Variants in MTHFD1L observed in about 807,000 individuals in gnomAD.
The protein encoded by MTHFD1L is methylenetetrahydrofolate dehydrogenase (NADP+ dependent) 1 like.
A neutral mutation model predicts 119.5 loss-of-function variants in MTHFD1L; 81 were observed. That is an observed-to-expected ratio of 0.68 (90% CI 0.57 to 0.82). MTHFD1L has a LOEUF of 0.82. Ranked by LOEUF, MTHFD1L falls within the 40% of genes least tolerant of loss-of-function variation. The pLI, the probability that MTHFD1L is intolerant of heterozygous loss-of-function variation, is 0.00. For missense variants in MTHFD1L, 1,125 were observed against 1,253.4 expected, an observed-to-expected ratio of 0.90 and a Z score of 1.55; for synonymous variants, 430 against 475.2, an observed-to-expected ratio of 0.90 and a Z score of 1.24.
At chr6:150,891,238 G>A (rs557666851) in intron 7 of MTHFD1L, among the ~76,000 whole-genome samples, 13 of 152,072 alleles carry the variant, frequency 8.5e-5, no homozygotes, top group Non-Finnish European at 1.6e-4. Flanking sequence ...CGCCCACCTC[G>A]ACCTCCCAAA....
chr6:150,955,976 C>T lies in MTHFD1L; in HGVS notation c.1727-19C>T, dbSNP rs1304659780. 1.2e-6 allele frequency: 2 copies of T among 1,602,868 alleles called. No individual in the cohort carries two copies. Among genetic ancestry groups the T allele is most frequent in the Admixed American group, 1.7e-5 (1 of 59,990 alleles). On this transcript the variant is annotated intron_variant, in intron 16 of 27. Transcript: ENST00000367321. ...TGGTCCATATTTGTCGACTGAATGACTAATCTGTTCTCTTTCAGTATTGGA... is the reference window on the plus strand; with the variant it reads ...TGGTCCATATTTGTCGACTGAATGATTAATCTGTTCTCTTTCAGTATTGGA...
In MTHFD1L at chr6:150,960,534, CA is replaced by C. The variant is rs1796284406; in HGVS notation, c.1944+120del. The C allele has an allele frequency of 4.6e-6, 6 of 1,307,802 alleles. No individual in the cohort carries two copies. In the African/African-American group the frequency reaches 9.0e-5, roughly 20 times the overall value. 81.0% of individuals were successfully genotyped at this position (1,307,802 alleles called of 1,614,324 possible). A position where few individuals can be genotyped will look rare whatever the true frequency, so the allele number is the denominator to read the frequency against. On this transcript the variant is annotated intron_variant, in intron 18 of 27. Coordinates refer to ENST00000367321, the MANE Select transcript of MTHFD1L (RefSeq NM_015440.5). Reference sequence around the variant, plus strand: ...GTAATGAGGATACAGAAAAAGTTTCCACACACACATTTCTTCCCCGACAAGC... The same window carrying C: ...GTAATGAGGATACAGAAAAAGTTTCCCACACACATTTCTTCCCCGACAAGC...
At position 151,039,293 on chromosome 6, in the gene MTHFD1L, A is replaced by G. The variant is rs1786675825; in HGVS notation, c.2847+2176A>G. ...GGTTCTGAATGACATTTTCAGGTCT[A>G]CAGTTCAGATCAGTGGTTGCCAGGA... is the stretch of plus-strand genomic sequence containing the variant. On this transcript the variant is annotated intron_variant, in intron 26 of 27. Coordinates refer to ENST00000367321, the MANE Select transcript of MTHFD1L (RefSeq NM_015440.5). The surrounding 1 kb of genome is among the most constrained non-coding windows in gnomAD (Gnocchi z 4.4). Among the ~76,000 whole-genome samples the G allele has an allele frequency of 6.6e-6, 1 of 152,160 alleles. No homozygotes were observed. Among genetic ancestry groups the G allele is most frequent in the Admixed American group, 6.5e-5 (1 of 15,272 alleles).
chr6:150,974,231 T>C (rs1776215410), intron 20 of MTHFD1L, among the ~76,000 whole-genome samples: 2 of 152,112 alleles, frequency 1.3e-5, no homozygotes, highest in African/African-American at 4.8e-5. Flanking sequence ...AAGGACTTGG[T>C]AGGTTTGAAA....
intron 20 of MTHFD1L, among the ~76,000 whole-genome samples, chr6:151,002,331 G>A (rs569389663): frequency 6.6e-6 from 1 of 152,296 alleles, no homozygotes; most frequent in South Asian, 2.1e-4. Context: ...AACTGTAAAT[G>A]GAGGAGAAAG....
chr6:151,078,430 A>G (rs571270862), intron 26 of MTHFD1L, among the ~76,000 whole-genome samples: 2 of 152,356 alleles, frequency 1.3e-5, no homozygotes, highest in Admixed American at 1.3e-4. Flanking sequence ...AAATGAGCAC[A>G]CATTTAGTGG....
chr6:150,869,954 G>C (rs1200167876), intron 1 of MTHFD1L, among the ~76,000 whole-genome samples: 3 of 152,096 alleles, frequency 2.0e-5, no homozygotes. Flanking sequence ...ATTTTTAGTA[G>C]AGACGGGGTT....
At chr6:150,882,657 A>G (rs1781562266) in intron 4 of MTHFD1L, 105 bp from the exon 5 acceptor site, 2 of 825,646 alleles carry the variant, frequency 2.4e-6, no homozygotes, top group Non-Finnish European at 3.5e-6. Flanking sequence ...ACAACAAACT[A>G]TAACAGATGC....
intron 11 of MTHFD1L, among the ~76,000 whole-genome samples, chr6:150,934,342 T>TC (rs1240815697): frequency 3.3e-5 from 5 of 152,242 alleles, no homozygotes; most frequent in Non-Finnish European, 5.9e-5. Context: ...AGATGTTACT[T>TC]CCTACAGGAA....
chr6:151,040,663 A>T (rs563308271), intron 26 of MTHFD1L, among the ~76,000 whole-genome samples: 1 of 152,316 alleles, frequency 6.6e-6, no homozygotes, highest in East Asian at 1.9e-4. Context: ...CTATGATCAT[A>T]TCATTGCACT....
intron 1 of MTHFD1L, chr6:150,866,477 C>A: frequency 2.3e-6 from 3 of 1,317,958 alleles, no homozygotes; most frequent in Non-Finnish European, 2.9e-6. Context: ...GCCGGCTGGC[C>A]CGGGGTTCGG....
chr6:150,876,923 GT>G (rs1223763319), intron 2 of MTHFD1L, among the ~76,000 whole-genome samples: 1 of 152,200 alleles, frequency 6.6e-6, no homozygotes, highest in East Asian at 1.9e-4. Context: ...GCCACATCTT[GT>G]TACAAAGAAA....
chr6:150,905,016 G>A (rs1785653809), intron 7 of MTHFD1L, among the ~76,000 whole-genome samples: 1 of 150,006 alleles, frequency 6.7e-6, no homozygotes, highest in African/African-American at 2.5e-5. Flanking sequence ...AGACCTCATG[G>A]CCTTAGCCCT....
chr6:151,045,744 T>C (rs1240202152), intron 26 of MTHFD1L, among the ~76,000 whole-genome samples: 2 of 152,182 alleles, frequency 1.3e-5, no homozygotes, highest in Non-Finnish European at 2.9e-5. Flanking sequence ...TCCCTATCTC[T>C]ACATCAGAAT....
intron 26 of MTHFD1L, among the ~76,000 whole-genome samples, chr6:151,079,169 C>T (rs1469944071): frequency 2.0e-5 from 3 of 152,024 alleles, no homozygotes; most frequent in African/African-American, 7.3e-5. Flanking sequence ...TTGCTGTGAA[C>T]GGTTACATAG....
Position 150,919,733 on chromosome 6 carries a change from C to T in MTHFD1L, c.984+1065C>T, listed in dbSNP as rs175857. ...TCATTCACTATCACAAGGACGCTAC[C>T]GAGGGAGATGATGCTAAACCATCAT... On this transcript the variant is annotated intron_variant, in intron 9 of 27. Transcript: ENST00000367321. Among the ~76,000 whole-genome samples the T allele has an allele frequency of 2.6e-5, 4 of 152,076 alleles. No homozygotes were observed. In the East Asian group the frequency reaches 5.8e-4, roughly 22 times the overall value.
chr6:150,960,907 A>G lies in MTHFD1L; in HGVS notation c.1944+492A>G, dbSNP rs190222413. On this transcript the variant is annotated intron_variant, in intron 18 of 27. Coordinates refer to ENST00000367321, the MANE Select transcript of MTHFD1L (RefSeq NM_015440.5). ...TTGGGGCCTTAGATTTGGGTTTTGTATTATAAAAGCAAATCTCTGCCTCAA... is the reference window on the plus strand; with the variant it reads ...TTGGGGCCTTAGATTTGGGTTTTGTGTTATAAAAGCAAATCTCTGCCTCAA... 1.7e-4 allele frequency among the ~76,000 whole-genome samples: 26 copies of G among 152,208 alleles called. No homozygotes were observed. The East Asian group carries it at 4.2e-3, about 25-fold the overall frequency.
chr6:151,000,334 T>TC (rs1780434358), intron 20 of MTHFD1L, among the ~76,000 whole-genome samples: 1 of 127,660 alleles, frequency 7.8e-6, no homozygotes, highest in African/African-American at 3.1e-5. Context: ...AGACTCTGTC[T>TC]CAAAAAAAAA....
chr6:150,909,106 G>A (rs1176467411), intron 8 of MTHFD1L, among the ~76,000 whole-genome samples: 3 of 152,042 alleles, frequency 2.0e-5, no homozygotes, highest in Non-Finnish European at 2.9e-5. Context: ...AATCCTAGGA[G>A]AGATTTTCCT....
Sources: gnomAD v4.1 joint callset for allele counts (sites outside exome capture counted in the v4.1 genomes callset) on GRCh38, gnomAD v4.1.1 for gene constraint, Gnocchi (gnomAD v3.1) non-coding constraint, MANE v1.5 for transcripts, NCBI Gene and HGNC (gene_info 2026-07-23, HGNC 2026-07-21) for gene names.